LAMA1: variants seen among roughly 807,000 people sequenced by gnomAD.
The protein encoded by LAMA1 is laminin subunit alpha-1.
In LAMA1, 219 loss-of-function variants were observed where a neutral mutation model predicts 348.7. The ratio of observed to expected loss-of-function variants is 0.63; its 90% CI spans 0.56 to 0.70. The LOEUF (loss-of-function observed/expected upper bound fraction) is 0.70, where lower values mean the gene tolerates loss of function less well. Ranked by LOEUF, LAMA1 falls within the 30% of genes least tolerant of loss-of-function variation. The pLI is 0.00. For missense variants in LAMA1, 3,744 were observed against 3,888.0 expected, an observed-to-expected ratio of 0.96 and a Z score of 0.99; for synonymous variants, 1,487 against 1,491.0, an observed-to-expected ratio of 1.00 and a Z score of 0.06.
At chr18:7,107,714 A>G (rs186494049) in intron 1 of LAMA1, among the ~76,000 whole-genome samples, 60 of 152,312 alleles carry the variant, frequency 3.9e-4, no homozygotes, top group African/African-American at 1.4e-3. Context: ...CTCCTCTCCA[A>G]TGAGGTGTTA....
rs575369225 is a variant in LAMA1, at chr18:7,065,718, C to T, written c.345+14257G>A. On this transcript the variant is annotated intron_variant, in intron 3 of 62. Transcript: ENST00000389658. ...CTCCAGCTTGGGTGACAGAGTGAGA[C>T]TCTGTCTCAAAAATCAGCCCAGTTG... Among the ~76,000 whole-genome samples, 19 of 152,296 alleles carry T rather than the reference C, an allele frequency of 1.2e-4. No homozygotes were observed. In the East Asian group the frequency reaches 3.5e-3, roughly 28 times the overall value.
intron 39 of LAMA1, among the ~76,000 whole-genome samples, chr18:6,983,766 G>C (rs1200936958): frequency 1.3e-5 from 2 of 152,216 alleles, no homozygotes; most frequent in Non-Finnish European, 2.9e-5. Flanking sequence ...ATTCTAACAA[G>C]TGGGCACATT....
At chr18:6,977,701 C>T (rs370321693) in intron 44 of LAMA1, 26 bp downstream of exon 44, 24 of 1,613,432 alleles carry the variant, frequency 1.5e-5, no homozygotes, top group African/African-American at 2.7e-5. Context: ...AGCCCAGTTA[C>T]GAAAGCCACG....
chr18:7,093,539 C>T (rs1232514306), intron 1 of LAMA1, among the ~76,000 whole-genome samples: 1 of 152,112 alleles, frequency 6.6e-6, no homozygotes, highest in Non-Finnish European at 1.5e-5. Context: ...CCCCAAAATC[C>T]ACCTGCAAGC....
At chr18:7,097,697 A>C (rs1486794348) in intron 1 of LAMA1, among the ~76,000 whole-genome samples, 1 of 152,248 alleles carries the variant, frequency 6.6e-6, no homozygotes, top group African/African-American at 2.4e-5. Context: ...TCAATAGAAC[A>C]AAATAGAGTC....
chr18:7,116,301 A>T (rs530627601), intron 1 of LAMA1, among the ~76,000 whole-genome samples: 3 of 152,308 alleles, frequency 2.0e-5, no homozygotes, highest in African/African-American at 7.2e-5. Flanking sequence ...GGACTTGTTC[A>T]CCTTCAGCAG....
intron 51 of LAMA1, 131 bp from the exon 52 acceptor site, chr18:6,962,190 G>A (rs1044907859): frequency 4.2e-6 from 3 of 720,568 alleles, no homozygotes; most frequent in African/African-American, 3.5e-5. Flanking sequence ...GGAAGGCTGA[G>A]GTAGAAGGAT....
chr18:7,040,349 C>G (rs2058015206), intron 9 of LAMA1, 113 bp from the exon 10 acceptor site: 1 of 1,074,626 alleles, frequency 9.3e-7, no homozygotes, highest in African/African-American at 1.5e-5. Context: ...GGCTTTTTGG[C>G]CTCAGAGTCT....
chr18:6,980,692 T>C (rs1242454254), intron 41 of LAMA1, 55 bp from the exon 42 acceptor site: 5 of 983,522 alleles, frequency 5.1e-6, no homozygotes, highest in Non-Finnish European at 8.2e-6. Flanking sequence ...AAAAGTTGCC[T>C]AGGCAACAGC....
rs1435476556 is a variant in LAMA1, at chr18:7,033,056, G to A, written c.2091C>T (p.Ala697=). The A allele has an allele frequency of 6.2e-7, 1 of 1,612,312 alleles. No individual in the cohort carries two copies. Among genetic ancestry groups the A allele is most frequent in the South Asian group, 1.1e-5 (1 of 90,568 alleles). The change falls in exon 15 of 63, where the codon GCC becomes GCT. Residue 697 remains alanine, a synonymous_variant. Transcript: ENST00000389658. ...SVSLDIASSN[A]IDLVVAADVE... ...CATCAGCGGCCACCACCAGGTCGAT[G>A]GCATTAGAGCTGGCTATGTCCAGAG...
intron 48 of LAMA1, among the ~76,000 whole-genome samples, chr18:6,966,840 C>G (rs73938519): frequency 0.044 from 6,634 of 152,200 alleles, 239 homozygotes; most frequent in African/African-American, 0.092. Flanking sequence ...GAGATGAGTA[C>G]GTAGGTTGAA....
chr18:7,029,213 G>T (rs970496521), intron 16 of LAMA1, among the ~76,000 whole-genome samples: 1 of 152,140 alleles, frequency 6.6e-6, no homozygotes, highest in Non-Finnish European at 1.5e-5. Context: ...CTGGTTCAGG[G>T]GATCTGAGGT....
chr18:6,974,884 A>G lies in LAMA1; in HGVS notation c.6623+19T>C. 4 of 1,614,058 alleles carry G rather than the reference A, an allele frequency of 2.5e-6. No homozygotes were observed. The highest frequency in any genetic ancestry group is 1.6e-4 in the Middle Eastern group (1 of 6,062). ...CACTTTAAAAAAGAGAGCTGCTTTG[A>G]GAGAACATTCTCTTCTACCTGGCTA... On this transcript the variant is annotated intron_variant, in intron 46 of 62. Coordinates refer to ENST00000389658, the MANE Select transcript of LAMA1 (RefSeq NM_005559.4).
At chr18:6,950,436 C>T (rs2057541276) in intron 58 of LAMA1, among the ~76,000 whole-genome samples, 1 of 152,196 alleles carries the variant, frequency 6.6e-6, no homozygotes, top group South Asian at 2.1e-4. Flanking sequence ...TGCTGCACAC[C>T]AGAAAGTGCT....
intron 19 of LAMA1, among the ~76,000 whole-genome samples, chr18:7,021,255 C>G (rs1461820574): frequency 6.6e-6 from 1 of 152,166 alleles, no homozygotes; most frequent in Non-Finnish European, 1.5e-5. Context: ...CAACCCCCGA[C>G]AGTCATTCAT....
chr18:6,994,593 C>G (rs921115790), intron 34 of LAMA1, among the ~76,000 whole-genome samples: 1 of 151,764 alleles, frequency 6.6e-6, no homozygotes, highest in African/African-American at 2.4e-5. Context: ...ACTATACTTC[C>G]TAGGGTGATG....
At chr18:7,031,940 T>C in intron 16 of LAMA1, 126 bp downstream of exon 16, 2 of 673,620 alleles carry the variant, frequency 3.0e-6, no homozygotes, top group Non-Finnish European at 5.1e-6. Flanking sequence ...ATCTGTAAAT[T>C]TTCTTTGGGG....
At chr18:7,050,958 G>A in intron 3 of LAMA1, 22 bp from the exon 4 acceptor site, 2 of 1,613,502 alleles carry the variant, frequency 1.2e-6, no homozygotes, top group Non-Finnish European at 1.7e-6. Flanking sequence ...ACACTGAAAA[G>A]TCTCAATCCA....
At chr18:6,995,714 C>A (rs2057778367) in intron 33 of LAMA1, among the ~76,000 whole-genome samples, 2 of 152,100 alleles carry the variant, frequency 1.3e-5, no homozygotes, top group Admixed American at 1.3e-4. Flanking sequence ...CTGCAATTCT[C>A]AGATAAAAGT....
Sources: allele counts gnomAD v4.1 joint callset (sites outside exome capture counted in the v4.1 genomes callset), GRCh38; gene constraint gnomAD v4.1.1; transcripts MANE v1.5; gene names NCBI Gene and HGNC (gene_info 2026-07-23, HGNC 2026-07-21).